SLC25A24: variants seen among roughly 807,000 people sequenced by gnomAD.
SLC25A24 encodes the protein solute carrier family 25 member 24.
In SLC25A24, 49 loss-of-function variants were observed where a neutral mutation model predicts 60.7. The ratio of observed to expected loss-of-function variants is 0.81; its 90% CI spans 0.64 to 1.02. The LOEUF (loss-of-function observed/expected upper bound fraction) is 1.02. SLC25A24 is among the 50% of genes least tolerant of loss of function. SLC25A24 has a pLI of 0.00. For synonymous variants in SLC25A24, 202 were observed against 200.6 expected (o/e 1.01, Z -0.06); for missense variants, 564 against 586.3 (o/e 0.96, Z 0.39).
intron 3 of SLC25A24, among the ~76,000 whole-genome samples, chr1:108,169,776 T>C (rs867340949): frequency 2.2e-4 from 34 of 152,328 alleles, no homozygotes; most frequent in African/African-American, 7.9e-4. Context: ...TGCTTCTTCA[T>C]TCAGTCCCAG....
In SLC25A24 at chr1:108,200,195, G is replaced by GGGCGAGACCGGGACCAGCGC; in HGVS notation, c.-77_-58dup. Reference sequence around the variant, plus strand: ...AAGTCACGGGAGATCGAGGGCTGCGGGGCGAGACCGGGACCAGCGCGAGGC... The same window carrying GGGCGAGACCGGGACCAGCGC: ...AAGTCACGGGAGATCGAGGGCTGCGGGGCGAGACCGGGACCAGCGCGGCGAGACCGGGACCAGCGCGAGGC... On this transcript the variant is annotated 5_prime_UTR_variant, in exon 1 of 10. Transcript: ENST00000565488. 4 of 1,463,040 alleles carry GGGCGAGACCGGGACCAGCGC rather than the reference G, an allele frequency of 2.7e-6. No individual in the cohort carries two copies. The highest frequency in any genetic ancestry group is 3.6e-6 in the Non-Finnish European group (4 of 1,104,886). The allele number at this position is 1,463,040 out of a possible 1,614,324, so 90.6% of individuals were successfully genotyped here.
chr1:108,170,509 TAA>T (rs1171387355), intron 3 of SLC25A24, among the ~76,000 whole-genome samples: 1 of 152,174 alleles, frequency 6.6e-6, no homozygotes, highest in East Asian at 1.9e-4. Flanking sequence ...TTGTCTTCAC[TAA>T]AGTTTTTCTC....
At chr1:108,163,987 A>C (rs1007495093) in intron 3 of SLC25A24, among the ~76,000 whole-genome samples, 52 of 152,220 alleles carry the variant, frequency 3.4e-4, no homozygotes, top group Non-Finnish European at 1.0e-4. Context: ...ATTTATTGAA[A>C]GTTTTTAGCA....
At chr1:108,190,044 G>C (rs1322495318) in intron 1 of SLC25A24, among the ~76,000 whole-genome samples, 1 of 151,930 alleles carries the variant, frequency 6.6e-6, no homozygotes, top group African/African-American at 2.4e-5. Context: ...GTTCCTTCTA[G>C]AAATAAAAGA....
intron 1 of SLC25A24, among the ~76,000 whole-genome samples, chr1:108,186,970 G>C (rs898109518): frequency 6.6e-6 from 1 of 152,030 alleles, no homozygotes; most frequent in African/African-American, 2.4e-5. Flanking sequence ...CCAGCTACTT[G>C]GGAGGCTGAG....
intron 3 of SLC25A24, among the ~76,000 whole-genome samples, chr1:108,178,189 AAT>A (rs1491020388): frequency 1.3e-5 from 2 of 151,436 alleles, no homozygotes; most frequent in African/African-American, 2.4e-5. Context: ...AACAACAACA[AAT>A]AAAATAAAAT....
intron 2 of SLC25A24, among the ~76,000 whole-genome samples, chr1:108,182,853 A>G (rs1647978916): frequency 2.0e-5 from 3 of 152,114 alleles, no homozygotes; most frequent in Admixed American, 6.6e-5. Context: ...AAATAAAAAT[A>G]AAAATCTGGC....
intron 3 of SLC25A24, among the ~76,000 whole-genome samples, chr1:108,180,223 G>A (rs1647865121): frequency 1.3e-5 from 2 of 151,856 alleles, no homozygotes; most frequent in South Asian, 4.1e-4. Flanking sequence ...AAAATAGCCA[G>A]GCGTGGTGGC....
At chr1:108,159,001 T>G (rs1337432251) in intron 4 of SLC25A24, among the ~76,000 whole-genome samples, 1 of 151,844 alleles carries the variant, frequency 6.6e-6, no homozygotes, top group Non-Finnish European at 1.5e-5. Context: ...AGACTCCGTC[T>G]CAAAAAAACA....
At position 108,136,571 on chromosome 1, in the gene SLC25A24, A is replaced by G. The variant is rs937710236; in HGVS notation, c.*82T>C. On this transcript the variant is annotated 3_prime_UTR_variant, in exon 10 of 10. Coordinates refer to ENST00000565488, the MANE Select transcript of SLC25A24 (RefSeq NM_013386.5). ...AAAAATGCAGCTTCTTTTGCCATAG[A>G]CTTGTTTCAATTCGAGGAGAAAAAG... is the stretch of plus-strand genomic sequence containing the variant. 3.3e-5 allele frequency: 41 copies of G among 1,228,954 alleles called. 1 individual carries two copies. Among genetic ancestry groups the G allele is most frequent in the Non-Finnish European group, 4.5e-5 (39 of 860,666 alleles). 76.1% of individuals were successfully genotyped at this position (1,228,954 alleles called of 1,614,324 possible).
chr1:108,143,578 T>C lies in SLC25A24; in HGVS notation c.1063A>G (p.Ile355Val). The C allele has an allele frequency of 1.9e-6, 3 of 1,613,774 alleles. No homozygotes were observed. Among genetic ancestry groups the C allele is most frequent in the Non-Finnish European group, 1.7e-6 (2 of 1,179,786 alleles). Residue 355 changes from isoleucine (I) to valine (V), a missense_variant, in exon 8 of 10, where the codon ATA (isoleucine) becomes GTA (valine). Coordinates refer to ENST00000565488, the MANE Select transcript of SLC25A24 (RefSeq NM_013386.5). ...GCAAGATCTATGCCTGCATAAGGTA[T>C]GATACCTAATAAATTGGGAACATAG... is the stretch of plus-strand genomic sequence containing the variant. ...KGYVPNLLGI[I>V]PYAGIDLAVY...
intron 3 of SLC25A24, among the ~76,000 whole-genome samples, chr1:108,167,549 A>G (rs968323846): frequency 3.3e-5 from 5 of 152,146 alleles, no homozygotes; most frequent in African/African-American, 1.2e-4. Flanking sequence ...GAGTGACCCG[A>G]TTTTCCAGGT....
intron 1 of SLC25A24, among the ~76,000 whole-genome samples, chr1:108,198,203 C>T (rs1183243012): frequency 6.6e-6 from 1 of 152,150 alleles, no homozygotes; most frequent in Admixed American, 6.5e-5. Context: ...ATTACCCTGT[C>T]TCAGATATTC....
intron 3 of SLC25A24, among the ~76,000 whole-genome samples, chr1:108,170,614 C>T (rs1395980269): frequency 1.3e-5 from 2 of 151,932 alleles, no homozygotes; most frequent in Non-Finnish European, 2.9e-5. Flanking sequence ...TATCAACCAG[C>T]TTAAAAATTG....
At position 108,192,600 on chromosome 1, in the gene SLC25A24, G is replaced by A. The variant is rs750446988; in HGVS notation, c.184-6646C>T. ...TTGTTATAGTCCAGGTACCAAAAGA[G>A]ATCTCCGTAGAGGGAGTCCATCGAG... On this transcript the variant is annotated intron_variant, in intron 1 of 9. Transcript: ENST00000565488. The A allele has an allele frequency of 3.7e-5, 55 of 1,497,460 alleles. 12 individuals carry two copies. The highest frequency in any genetic ancestry group is 4.5e-5 in the Non-Finnish European group (50 of 1,112,928). 92.8% of individuals were successfully genotyped at this position (1,497,460 alleles called of 1,614,324 possible).
At chr1:108,163,403 G>A (rs976504668) in intron 3 of SLC25A24, among the ~76,000 whole-genome samples, 13 of 150,118 alleles carry the variant, frequency 8.7e-5, no homozygotes, top group Non-Finnish European at 1.2e-4. Context: ...CCATTTTCAC[G>A]ATACTGATTC....
chr1:108,152,899 G>A (rs1023096984), intron 6 of SLC25A24, among the ~76,000 whole-genome samples: 1 of 152,214 alleles, frequency 6.6e-6, no homozygotes, highest in Non-Finnish European at 1.5e-5. Flanking sequence ...TAACTCCTGA[G>A]TAAGTACTAA....
intron 7 of SLC25A24, among the ~76,000 whole-genome samples, chr1:108,144,052 G>T (rs1679518889): frequency 6.6e-6 from 1 of 152,142 alleles, no homozygotes; most frequent in Non-Finnish European, 1.5e-5. Flanking sequence ...CTTCTAGCTT[G>T]GAACACAGGA....
At position 108,136,806 on chromosome 1, in the gene SLC25A24, C is replaced by T; in HGVS notation, c.1281G>A (p.Met427Ile). The T allele has an allele frequency of 6.2e-7, 1 of 1,614,028 alleles. No individual in the cohort carries two copies. Among genetic ancestry groups the T allele is most frequent in the Non-Finnish European group, 8.5e-7 (1 of 1,179,988 alleles). Residue 427 changes from methionine to isoleucine, a missense_variant, in exon 10 of 10, where the codon ATG becomes ATA. By Grantham distance (10) the Met-to-Ile change is conservative. Coordinates refer to ENST00000565488, the MANE Select transcript of SLC25A24 (RefSeq NM_013386.5). ...AAATAATTCGTCGAAAGAGGCCAAC[C>T]ATATTCAGCTGTGGGGAACCTTCTA... ...AMLEGSPQLN[M>I]VGLFRRIISK...
Sources: gnomAD v4.1 joint callset for allele counts (sites outside exome capture counted in the v4.1 genomes callset) on GRCh38, gnomAD v4.1.1 for gene constraint, MANE v1.5 for transcripts, NCBI Gene and HGNC (gene_info 2026-07-23, HGNC 2026-07-21) for gene names.